SPINK5: variants seen among roughly 807,000 people sequenced by gnomAD.
SPINK5 encodes serine protease inhibitor Kazal-type 5.
A neutral mutation model predicts 151.8 loss-of-function variants in SPINK5; 125 were observed. The ratio of observed to expected loss-of-function variants is 0.82; its 90% CI spans 0.71 to 0.96. The LOEUF is 0.96. SPINK5 is among the 40% of genes least tolerant of loss of function. SPINK5 has a pLI of 0.00. For missense variants in SPINK5, 1,194 were observed against 1,291.9 expected (o/e 0.92, Z 1.16); for synonymous variants, 374 against 395.3 (o/e 0.95, Z 0.64).
At chr5:148,125,962 G>A (rs1245836083) in intron 29 of SPINK5, 112 bp downstream of exon 29, 2 of 1,515,966 alleles carry the variant, frequency 1.3e-6, no homozygotes, top group Admixed American at 1.7e-5. Flanking sequence ...TTAAAAATAA[G>A]TCTTTAGAAT....
At chr5:148,117,255 C>T (rs1754119057) in intron 22 of SPINK5, among the ~76,000 whole-genome samples, 1 of 152,142 alleles carries the variant, frequency 6.6e-6, no homozygotes, top group African/African-American at 2.4e-5. Flanking sequence ...GCTGAGTTCT[C>T]CCTTTTAAGG....
intron 31 of SPINK5, among the ~76,000 whole-genome samples, chr5:148,132,927 T>C (rs1265375490): frequency 2.0e-5 from 3 of 152,176 alleles, no homozygotes; most frequent in Admixed American, 2.0e-4. Flanking sequence ...AGGAATTCCA[T>C]TACTATATAT....
chr5:148,066,507 A>G (rs1316873824), intron 2 of SPINK5, among the ~76,000 whole-genome samples: 2 of 151,658 alleles, frequency 1.3e-5, no homozygotes, highest in Non-Finnish European at 1.5e-5. Context: ...CTCTTGCCGT[A>G]TTTTGTTGCA....
intron 2 of SPINK5, among the ~76,000 whole-genome samples, chr5:148,068,272 C>T (rs1752635264): frequency 6.6e-6 from 1 of 151,842 alleles, no homozygotes; most frequent in Admixed American, 6.6e-5. Flanking sequence ...GCTAAATTTC[C>T]CAGGGCTGGT....
chr5:148,110,533 A>G (rs1753897097), intron 18 of SPINK5, among the ~76,000 whole-genome samples: 1 of 152,184 alleles, frequency 6.6e-6, no homozygotes, highest in Admixed American at 6.5e-5. Flanking sequence ...TAGTTATATT[A>G]TTCATTGTAT....
intron 22 of SPINK5, among the ~76,000 whole-genome samples, chr5:148,117,382 C>T (rs1267085225): frequency 6.6e-6 from 1 of 151,774 alleles, no homozygotes; most frequent in Non-Finnish European, 1.5e-5. Context: ...CAGCATTTTT[C>T]TCTCTCTTCT....
At chr5:148,133,991 G>C (rs753084623) in intron 32 of SPINK5, 104 bp downstream of exon 32, 2 of 1,168,312 alleles carry the variant, frequency 1.7e-6, no homozygotes, top group South Asian at 2.5e-5. Context: ...TGGCCAGAGA[G>C]GTGACACTAG....
chr5:148,076,590 A>G (rs1229023259), intron 4 of SPINK5, among the ~76,000 whole-genome samples: 1 of 151,784 alleles, frequency 6.6e-6, no homozygotes, highest in Non-Finnish European at 1.5e-5. Context: ...ATACTCAAGA[A>G]AAATAATTAA....
intron 6 of SPINK5, chr5:148,089,282 C>T (rs1380101762): frequency 1.5e-6 from 1 of 646,482 alleles, no homozygotes; most frequent in South Asian, 1.5e-5. Flanking sequence ...AGTAGGTTAT[C>T]TGTTTACTAA....
intron 4 of SPINK5, among the ~76,000 whole-genome samples, chr5:148,073,861 C>CACAA (rs1554102423): frequency 9.7e-6 from 1 of 103,152 alleles, no homozygotes; most frequent in African/African-American, 3.8e-5. Context: ...CACACACACA[C>CACAA]AAAACTGTAA....
In SPINK5 at chr5:148,096,750, TTC is replaced by T. The variant is rs1488429054; in HGVS notation, c.882+847_882+848del. ...TTTTTCTTTTTCTTTTTCTTTTCTT[TTC>T]TTTTTTTTTTTAAGACAATTTCTTT... On this transcript the variant is annotated intron_variant, in intron 10 of 32. Coordinates refer to ENST00000256084, the MANE Select transcript of SPINK5 (RefSeq NM_006846.4). 1.4e-3 allele frequency among the ~76,000 whole-genome samples: 198 copies of T among 146,344 alleles called. 2 individuals carry two copies. Among genetic ancestry groups the T allele is most frequent in the African/African-American group, 5.0e-3 (183 of 36,868 alleles).
At position 148,107,114 on chromosome 5, in the gene SPINK5, C is replaced by A. The variant is rs880687; in HGVS notation, c.1557C>A (p.Gly519=). The change falls in exon 17 of 33, where the codon GGC becomes GGA. Residue 519 remains glycine (G), a synonymous_variant. Transcript: ENST00000256084. ...ICTREHNPVR[G]PDGKMHGNKC... ...CCAGGGAGCATAATCCTGTCCGTGG[C>A]CCAGATGGCAAAATGCATGGAAACA... 819,172 of 1,612,412 alleles carry A rather than the reference C, an allele frequency of 0.51. 213,197 individuals are homozygous for A. Among genetic ancestry groups the A allele is most frequent in the Admixed American group, 0.66 (39,417 of 59,930 alleles).
Position 148,131,288 on chromosome 5 carries a change from A to T in SPINK5, c.2994A>T (p.Val998=). The T allele has an allele frequency of 6.2e-7, 1 of 1,613,866 alleles. No homozygotes were observed. Among genetic ancestry groups the T allele is most frequent in the South Asian group, 1.1e-5 (1 of 91,086 alleles). ...CTGAGATGTGCAAAGACTACCGAGTATTGCCCAGGATAGGTTATCTTTGTC... is the reference window on the plus strand; with the variant it reads ...CTGAGATGTGCAAAGACTACCGAGTTTTGCCCAGGATAGGTTATCTTTGTC... ...LDSEMCKDYR[V]LPRIGYLCPK... is the part of the protein sequence containing the mutation. Residue 998 remains valine, a synonymous_variant, in exon 31 of 33, where the codon GTA becomes GTT. Transcript: ENST00000256084.
At chr5:148,111,125 G>A (rs967568526) in intron 18 of SPINK5, among the ~76,000 whole-genome samples, 6 of 151,546 alleles carry the variant, frequency 4.0e-5, no homozygotes, top group Non-Finnish European at 7.4e-5. Flanking sequence ...GTTTGCAGGC[G>A]ACAATCCATC....
intron 4 of SPINK5, among the ~76,000 whole-genome samples, chr5:148,080,159 A>G (rs1752982799): frequency 6.6e-6 from 1 of 151,342 alleles, no homozygotes; most frequent in African/African-American, 2.4e-5. Context: ...AGCATAAAAA[A>G]TGTGGAAATG....
At chr5:148,124,450 T>C (rs1021938354) in intron 27 of SPINK5, among the ~76,000 whole-genome samples, 3 of 152,188 alleles carry the variant, frequency 2.0e-5, no homozygotes, top group Non-Finnish European at 4.4e-5. Flanking sequence ...ATGAGAATTA[T>C]AGCAACTTTC....
At chr5:148,077,923 TG>T (rs1752926394) in intron 4 of SPINK5, among the ~76,000 whole-genome samples, 1 of 150,796 alleles carries the variant, frequency 6.6e-6, no homozygotes, top group South Asian at 2.1e-4. Flanking sequence ...AAAAGCATAT[TG>T]AAAACAAATA....
chr5:148,094,628 C>A (rs937931827), intron 9 of SPINK5, 147 bp downstream of exon 9: 34 of 1,282,230 alleles, frequency 2.7e-5, no homozygotes, highest in Admixed American at 9.9e-5. Context: ...CATAATGCCA[C>A]CTAGTGAGCA....
chr5:148,123,387 T>C (rs181370869), intron 26 of SPINK5, among the ~76,000 whole-genome samples: 23 of 32,726 alleles, frequency 7.0e-4, no homozygotes, highest in African/African-American at 1.6e-3. Context: ...AACAAGATTA[T>C]ATATATATAT....
Sources: gnomAD v4.1 joint callset for allele counts (sites outside exome capture counted in the v4.1 genomes callset) on GRCh38, gnomAD v4.1.1 for gene constraint, MANE v1.5 for transcripts, NCBI Gene and HGNC (gene_info 2026-07-23, HGNC 2026-07-21) for gene names.